CHRNA3: variants seen among roughly 807,000 people sequenced by gnomAD.
The protein encoded by CHRNA3 is cholinergic receptor nicotinic alpha 3 subunit, also known as neuronal acetylcholine receptor subunit alpha-3.
Under a neutral mutation model 41.9 loss-of-function variants are expected in CHRNA3, and 34 were observed. The ratio of observed to expected loss-of-function variants is 0.81; its 90% CI spans 0.62 to 1.08. The LOEUF (loss-of-function observed/expected upper bound fraction) is 1.08. CHRNA3 is among the 50% of genes least tolerant of loss of function. The pLI, the probability that CHRNA3 is intolerant of heterozygous loss-of-function variation, is 0.00. For synonymous variants in CHRNA3, 281 were observed against 265.2 expected, an observed-to-expected ratio of 1.06 and a Z score of -0.58; for missense variants, 542 against 638.3, an observed-to-expected ratio of 0.85 and a Z score of 1.63.
rs1159567915 is a variant in CHRNA3, at chr15:78,601,760, G to A, written c.882C>T (p.Ile294=). The change falls in exon 5 of 6, where the codon ATC becomes ATT. Residue 294 remains isoleucine (I), a synonymous_variant. Coordinates refer to ENST00000326828, the MANE Select transcript of CHRNA3 (RefSeq NM_000743.5). The part of the protein sequence containing the change: ...TVFLLVITET[I]PSTSLVIPLI... The stretch of plus-strand genomic sequence containing the variant: ...GGGGGATGACCAGCGAGGTGGAAGG[G>A]ATGGTCTCAGTGATCACCAGGAGAA... The A allele has an allele frequency of 1.2e-6, 2 of 1,614,140 alleles. No homozygotes were observed. The highest frequency in any genetic ancestry group is 1.7e-6 in the Non-Finnish European group (2 of 1,180,034).
At chr15:78,611,000 A>G (rs984210905) in intron 4 of CHRNA3, among the ~76,000 whole-genome samples, 5 of 152,184 alleles carry the variant, frequency 3.3e-5, no homozygotes, top group Non-Finnish European at 5.9e-5. Flanking sequence ...GGACACATAC[A>G]CTCTCCCAAG....
At chr15:78,612,168 T>C (rs997232196) in intron 4 of CHRNA3, among the ~76,000 whole-genome samples, 1 of 152,048 alleles carries the variant, frequency 6.6e-6, no homozygotes, top group East Asian at 1.9e-4. Flanking sequence ...TTCAATGCCA[T>C]CCCCATCAAG....
chr15:78,601,963 TCTC>T lies in CHRNA3; in HGVS notation c.676_678del (p.Glu226del), dbSNP rs753293959. 2.5e-5 allele frequency: 41 copies of T among 1,613,440 alleles called. 1 individual carries two copies. Among genetic ancestry groups the T allele is most frequent in the Admixed American group, 1.7e-5 (1 of 59,976 alleles). ...AGCGAGTATGTGATGTCGGGGTAGA[TCTC>T]CTCGCAGCAGTTGTACTTGATGTCG... On this transcript the variant is annotated inframe_deletion, in exon 5 of 6. Transcript: ENST00000326828.
At chr15:78,612,104 G>A (rs903696302) in intron 4 of CHRNA3, among the ~76,000 whole-genome samples, 1 of 152,148 alleles carries the variant, frequency 6.6e-6, no homozygotes, top group Non-Finnish European at 1.5e-5. Context: ...ATGCTCATGG[G>A]TAGGAAGAAT....
At chr15:78,603,104 C>A (rs1037700657) in intron 4 of CHRNA3, among the ~76,000 whole-genome samples, 8 of 152,176 alleles carry the variant, frequency 5.3e-5, no homozygotes, top group African/African-American at 1.9e-4. Context: ...ATCTCTGTCT[C>A]CCGGGGTTCA....
chr15:78,616,188 A>C (rs1167716764), intron 4 of CHRNA3, among the ~76,000 whole-genome samples: 3 of 151,712 alleles, frequency 2.0e-5, no homozygotes, highest in Non-Finnish European at 4.4e-5. Flanking sequence ...CCCCATCTCT[A>C]CTGAAAAATA....
At chr15:78,601,189 C>T (rs1015737323) in intron 5 of CHRNA3, 64 bp downstream of exon 5, 18 of 1,535,490 alleles carry the variant, frequency 1.2e-5, no homozygotes, top group Admixed American at 5.4e-5. Flanking sequence ...CCTTGCCCCA[C>T]GAGGAACCCA....
rs1452551606 is a variant in CHRNA3 at position 78,602,215 on chromosome 15, A to T, written c.427T>A (p.Tyr143Asn). The T allele has an allele frequency of 1.2e-6, 2 of 1,614,148 alleles. No homozygotes were observed. Among genetic ancestry groups the T allele is most frequent in the South Asian group, 1.1e-5 (1 of 91,078 alleles). Residue 143 changes from tyrosine to asparagine, a missense_variant, in exon 5 of 6, where the codon TAC becomes AAC. Physicochemically the swap from Tyr to Asn is moderately radical, Grantham distance 143. Coordinates refer to ENST00000326828, the MANE Select transcript of CHRNA3 (RefSeq NM_000743.5). ...GGTATCCAAGTCACCTCCCCAGTGT[A>T]CTTGAGTAAGGCTTTGGTCTTGTCG... is the stretch of plus-strand genomic sequence containing the variant. ...VDDKTKALLK[Y>N]TGEVTWIPPA...
In CHRNA3 at chr15:78,602,094, T is replaced by C; in HGVS notation, c.548A>G (p.Asp183Gly). 1 of 1,614,174 alleles carries C rather than the reference T, an allele frequency of 6.2e-7. No homozygotes were observed. The highest frequency in any genetic ancestry group is 8.5e-7 in the Non-Finnish European group (1 of 1,180,036). The change falls in exon 5 of 6, where the codon GAT becomes GGT. Residue 183 changes from aspartate to glycine, a missense_variant. Coordinates refer to ENST00000326828, the MANE Select transcript of CHRNA3 (RefSeq NM_000743.5). ...CTMKFGSWSY[D>G]KAKIDLVLIG... ...CAGGACCAGATCGATTTTCGCCTTA[T>C]CGTAGGACCAGGAACCGAACTTCAT...
intron 3 of CHRNA3, 119 bp from the exon 4 acceptor site, chr15:78,617,252 T>C (rs1567092840): frequency 1.5e-6 from 1 of 656,636 alleles, no homozygotes; most frequent in African/African-American, 1.8e-5. Context: ...CCGAACCACA[T>C]CCATGCCATG....
chr15:78,612,370 T>C (rs1166791565), intron 4 of CHRNA3, among the ~76,000 whole-genome samples: 1 of 145,166 alleles, frequency 6.9e-6, no homozygotes, highest in Non-Finnish European at 1.5e-5. Context: ...AAAACAGAGA[T>C]ATAGATCAAA....
Position 78,601,388 on chromosome 15 carries a change from G to C in CHRNA3, c.1254C>G (p.Asn418Lys), listed in dbSNP as rs2053194860. ...ATTCAGAACTAGAGCTTCTCGTGAG[G>C]TTAGCACTGAAATTGGAGATTTTTA... ...RRIKISNFSA[N>K]LTRSSSSESV... Residue 418 changes from asparagine to lysine, a missense_variant, in exon 5 of 6, where the codon AAC (asparagine) becomes AAG (lysine). By Grantham distance (94) the Asn-to-Lys change is moderately conservative. Transcript: ENST00000326828. 6.2e-7 allele frequency: 1 copy of C among 1,614,052 alleles called. No homozygotes were observed. The highest frequency in any genetic ancestry group is 1.1e-5 in the South Asian group (1 of 91,084).
At chr15:78,597,639 CAAT>C (rs577949267) in intron 5 of CHRNA3, among the ~76,000 whole-genome samples, 156 of 151,780 alleles carry the variant, frequency 1.0e-3, no homozygotes, top group Non-Finnish European at 2.0e-3. Context: ...TAATTGCTGA[CAAT>C]AAAGTAAAAG....
At position 78,601,720 on chromosome 15, in the gene CHRNA3, G is replaced by A; in HGVS notation, c.922C>T (p.Leu308Phe). The change falls in exon 5 of 6, where the codon CTC (leucine) becomes TTC (phenylalanine). Residue 308 changes from leucine (L) to phenylalanine (F), a missense_variant. By Grantham distance (22) the Leu-to-Phe change is conservative (BLOSUM62 0). Coordinates refer to ENST00000326828, the MANE Select transcript of CHRNA3 (RefSeq NM_000743.5). ...GTTACAAAAATCATGGTGAACAGGA[G>A]GTACTCTCCAATCAGGGGGATGACC... is the stretch of plus-strand genomic sequence containing the variant. ...SLVIPLIGEY[L>F]LFTMIFVTLS... 6.2e-7 allele frequency: 1 copy of A among 1,614,142 alleles called. No individual in the cohort carries two copies. The highest frequency in any genetic ancestry group is 8.5e-7 in the Non-Finnish European group (1 of 1,180,022).
intron 1 of CHRNA3, chr15:78,620,129 G>T (rs1312611421): frequency 1.3e-5 from 2 of 152,434 alleles, no homozygotes; most frequent in East Asian, 3.9e-4. Context: ...CCTCTGGAGA[G>T]CGGGAGGAAG....
At chr15:78,618,583 A>C (rs1203535897) in intron 3 of CHRNA3, 34 bp downstream of exon 3, 1 of 1,613,384 alleles carries the variant, frequency 6.2e-7, no homozygotes, top group South Asian at 1.1e-5. Flanking sequence ...AGTCACCACC[A>C]GGGGGCAGCA....
At chr15:78,620,324 A>T (rs1001644735) in intron 1 of CHRNA3, 7 of 218,522 alleles carry the variant, frequency 3.2e-5, no homozygotes, top group Non-Finnish European at 6.4e-5. Context: ...GGCGGGATGC[A>T]GACGGTGGAG....
At chr15:78,606,468 AAG>A (rs902165301) in intron 4 of CHRNA3, among the ~76,000 whole-genome samples, 2 of 152,190 alleles carry the variant, frequency 1.3e-5, no homozygotes, top group Non-Finnish European at 2.9e-5. Flanking sequence ...AAAAGAAACT[AAG>A]AAATTTTTCA....
chr15:78,601,635 T>C lies in CHRNA3; in HGVS notation c.1007A>G (p.His336Arg). The C allele has an allele frequency of 6.2e-7, 1 of 1,614,150 alleles. No individual in the cohort carries two copies. The highest frequency in any genetic ancestry group is 1.6e-4 in the Middle Eastern group (1 of 6,062). Residue 336 changes from histidine to arginine, a missense_variant, in exon 5 of 6, where the codon CAC (histidine) becomes CGC (arginine). Coordinates refer to ENST00000326828, the MANE Select transcript of CHRNA3 (RefSeq NM_000743.5). ...AGTCTTCACCCATGAGGGCATTGTG[T>C]GTGTCGTCGGGGTTCTGTAGTGCAC... ...LNVHYRTPTT[H>R]TMPSWVKTVF...
Sources: gnomAD v4.1 joint callset for allele counts (sites outside exome capture counted in the v4.1 genomes callset) on GRCh38, gnomAD v4.1.1 for gene constraint, MANE v1.5 for transcripts, NCBI Gene and HGNC (gene_info 2026-07-23, HGNC 2026-07-21) for gene names.